The following PIK3C2G variants were observed in gnomAD, a reference collection of about 807,000 sequenced individuals.
PIK3C2G encodes phosphatidylinositol 3-kinase C2 domain-containing subunit gamma.
A neutral mutation model predicts 181.1 loss-of-function variants in PIK3C2G; 168 were observed. The ratio of observed to expected loss-of-function variants is 0.93; its 90% CI spans 0.82 to 1.05. PIK3C2G has a LOEUF of 1.05. Ranked by LOEUF, PIK3C2G falls within the 50% of genes least tolerant of loss-of-function variation. The probability of loss-of-function intolerance (pLI) is 0.00; values close to 1 mark genes in which losing one functional copy is unlikely to be tolerated. For missense variants in PIK3C2G, 1,869 were observed against 1,732.8 expected, an observed-to-expected ratio of 1.08 and a Z score of -1.40; for synonymous variants, 573 against 592.2, an observed-to-expected ratio of 0.97 and a Z score of 0.47.
chr12:18,353,658 G>T (rs899346119), intron 11 of PIK3C2G, among the ~76,000 whole-genome samples: 1 of 152,120 alleles, frequency 6.6e-6, no homozygotes, highest in African/African-American at 2.4e-5. Context: ...ACTTTCAGGA[G>T]GTCCTCTAAA....
chr12:18,489,081 A>G (rs755358598), intron 19 of PIK3C2G, among the ~76,000 whole-genome samples: 1 of 152,098 alleles, frequency 6.6e-6, no homozygotes, highest in Non-Finnish European at 1.5e-5. Flanking sequence ...TTTTTATACT[A>G]AGATCTATGG....
At chr12:18,709,231 T>A in the PIK3C2G span, among the ~76,000 whole-genome samples, 2 of 141,244 alleles carry the variant, frequency 1.4e-5, no homozygotes, top group Admixed American at 7.4e-5. Flanking sequence ...TTCTTTAGCA[T>A]GTCGAAATTC....
At chr12:18,693,588 T>G in the PIK3C2G span, 1 of 1,591,516 alleles carries the variant, frequency 6.3e-7, no homozygotes. Flanking sequence ...CGGGAATTGT[T>G]TCGAGTTGCT....
At chr12:18,699,117 T>G in the PIK3C2G span, among the ~76,000 whole-genome samples, 1 of 152,122 alleles carries the variant, frequency 6.6e-6, no homozygotes, top group Non-Finnish European at 1.5e-5. Flanking sequence ...TTAGAGGCAG[T>G]GAAAGGAAGA....
At chr12:18,604,663 AAAGTT>A (rs1472959519) in intron 30 of PIK3C2G, among the ~76,000 whole-genome samples, 3 of 152,184 alleles carry the variant, frequency 2.0e-5, no homozygotes, top group Non-Finnish European at 4.4e-5. Context: ...GAGCCTCAAT[AAAGTT>A]AAGAAAATTG....
At chr12:18,360,999 C>T (rs1941187648) in intron 11 of PIK3C2G, among the ~76,000 whole-genome samples, 1 of 151,960 alleles carries the variant, frequency 6.6e-6, no homozygotes, top group Admixed American at 6.6e-5. Flanking sequence ...CTGAAAATCC[C>T]ATAACGATAC....
At chr12:18,688,131 T>C in the PIK3C2G span, 14 of 1,611,664 alleles carry the variant, frequency 8.7e-6, 1 homozygote, top group South Asian at 1.5e-4. Context: ...ATTTGATCAT[T>C]TGGAACACCA....
chr12:18,477,001 G>A (rs1189944836), intron 18 of PIK3C2G, among the ~76,000 whole-genome samples: 1 of 151,968 alleles, frequency 6.6e-6, no homozygotes, highest in Non-Finnish European at 1.5e-5. Context: ...TTTCAAGATC[G>A]AGGTGCCAGC....
chr12:18,421,158 A>G (rs1945464067), intron 17 of PIK3C2G, 124 bp downstream of exon 17: 1 of 491,364 alleles, frequency 2.0e-6, no homozygotes, highest in South Asian at 4.0e-5. Context: ...AAGGGACTAA[A>G]TGATGTCAAC....
rs1022867098 is a variant in PIK3C2G, at chr12:18,537,168, A to G, written c.3324-988A>G. Among the ~76,000 whole-genome samples, 39 of 152,166 alleles carry G rather than the reference A, an allele frequency of 2.6e-4. 1 individual carries two copies. The highest frequency in any genetic ancestry group is 8.9e-4 in the African/African-American group (37 of 41,536). On this transcript the variant is annotated intron_variant, in intron 24 of 32. Coordinates refer to ENST00000538779, the MANE Select transcript of PIK3C2G (RefSeq NM_001288772.2). ...AACTGTCAGATCAGTGAAATTTTTC[A>G]CTCCATTGTATTTTTACTGAAATAG...
At position 18,338,415 on chromosome 12, in the gene PIK3C2G, G is replaced by A. The variant is rs1413320437; in HGVS notation, c.1273-11G>A. The A allele has an allele frequency of 7.2e-6, 11 of 1,533,546 alleles. No individual in the cohort carries two copies. The highest frequency in any genetic ancestry group is 9.8e-6 in the Non-Finnish European group (11 of 1,118,708). 95.0% of individuals were successfully genotyped at this position (1,533,546 alleles called of 1,614,324 possible). A position where few individuals can be genotyped will look rare whatever the true frequency, so the allele number is the denominator to read the frequency against. ...CAATAGATTGTAAGATGTGAATCTTGTTATCTACAGGAAAACGTGTATAAT... is the reference window on the plus strand; with the variant it reads ...CAATAGATTGTAAGATGTGAATCTTATTATCTACAGGAAAACGTGTATAAT... On this transcript the variant is annotated splice_polypyrimidine_tract_variant and intron_variant, in intron 8 of 32. Transcript: ENST00000538779.
At chr12:18,428,949 T>C (rs1945995419) in intron 18 of PIK3C2G, among the ~76,000 whole-genome samples, 1 of 152,214 alleles carries the variant, frequency 6.6e-6, no homozygotes, top group African/African-American at 2.4e-5. Flanking sequence ...TAGGAAACAC[T>C]TTAACCACTA....
chr12:18,334,791 A>G (rs947722086), intron 8 of PIK3C2G, among the ~76,000 whole-genome samples: 3 of 152,108 alleles, frequency 2.0e-5, no homozygotes, highest in African/African-American at 4.8e-5. Context: ...CGAATCAGCC[A>G]TCATAGGGTT....
At chr12:18,559,431 C>T (rs1945179252) in intron 26 of PIK3C2G, among the ~76,000 whole-genome samples, 1 of 152,046 alleles carries the variant, frequency 6.6e-6, no homozygotes, top group Non-Finnish European at 1.5e-5. Context: ...GGTACTCTGG[C>T]TGACCTGAGA....
chr12:18,540,395 A>G (rs1944088934), intron 25 of PIK3C2G, among the ~76,000 whole-genome samples: 1 of 151,924 alleles, frequency 6.6e-6, no homozygotes, highest in African/African-American at 2.4e-5. Flanking sequence ...GCTGTTTCTC[A>G]GGTGACACTA....
the PIK3C2G span, chr12:18,696,322 C>CTATATATATATATATATATATATATA: frequency 2.3e-3 from 610 of 267,496 alleles, 42 homozygotes; most frequent in African/African-American, 8.7e-3. Context: ...TAAAAAGCCA[C>CTATATATATATATATATATATATATA]TATATATATA....
At chr12:18,593,885 T>C (rs972848779) in intron 29 of PIK3C2G, among the ~76,000 whole-genome samples, 3 of 151,912 alleles carry the variant, frequency 2.0e-5, no homozygotes, top group Admixed American at 1.3e-4. Context: ...ACCTTATGCA[T>C]CTTTCTGTCT....
chr12:18,310,429 T>A (rs112065502), intron 5 of PIK3C2G, among the ~76,000 whole-genome samples: 2,668 of 152,006 alleles, frequency 0.018, 76 homozygotes, highest in African/African-American at 0.061. Context: ...TTAACTTTTT[T>A]AATCAACTAA....
At chr12:18,263,476 C>T (rs149770785) in intron 1 of PIK3C2G, among the ~76,000 whole-genome samples, 1 of 152,234 alleles carries the variant, frequency 6.6e-6, no homozygotes, top group Non-Finnish European at 1.5e-5. Flanking sequence ...GATCACTCTA[C>T]AAATGATGTG....
Sources: gnomAD v4.1 joint callset for allele counts (sites outside exome capture counted in the v4.1 genomes callset) on GRCh38, gnomAD v4.1.1 for gene constraint, MANE v1.5 for transcripts, NCBI Gene and HGNC (gene_info 2026-07-23, HGNC 2026-07-21) for gene names.